DENND1A: variants seen among roughly 807,000 people sequenced by gnomAD.
DENND1A encodes DENN domain-containing protein 1A.
Under a neutral mutation model 113.7 loss-of-function variants are expected in DENND1A, and 51 were observed. The observed-to-expected ratio is 0.45, with a 90% CI of 0.36 to 0.57. The LOEUF is 0.57. Ranked by LOEUF, DENND1A falls within the 20% of genes least tolerant of loss-of-function variation. DENND1A has a pLI of 0.00. For synonymous variants in DENND1A, 565 were observed against 570.8 expected (o/e 0.99, Z 0.14); for missense variants, 1,258 against 1,395.9 (o/e 0.90, Z 1.57).
At chr9:123,695,544 C>CTA (rs2065459839) in intron 5 of DENND1A, among the ~76,000 whole-genome samples, 1 of 152,112 alleles carries the variant, frequency 6.6e-6, no homozygotes, top group African/African-American at 2.4e-5. Context: ...ATACAGCATT[C>CTA]TATAGCTCAT....
intron 9 of DENND1A, among the ~76,000 whole-genome samples, chr9:123,642,167 T>C (rs766732491): frequency 2.6e-4 from 40 of 152,304 alleles, no homozygotes; most frequent in African/African-American, 9.4e-4. Context: ...GAGTTTAACA[T>C]GAATAAGAGA....
At chr9:123,794,225 G>C (rs2132085371) in intron 2 of DENND1A, among the ~76,000 whole-genome samples, 1 of 152,294 alleles carries the variant, frequency 6.6e-6, no homozygotes, top group East Asian at 1.9e-4. Flanking sequence ...GAGACAAAGG[G>C]GCAGCCTGTT....
chr9:123,895,278 G>T (rs913034574), intron 1 of DENND1A, among the ~76,000 whole-genome samples: 15 of 151,930 alleles, frequency 9.9e-5, no homozygotes, highest in African/African-American at 3.6e-4. Context: ...ATAAATAATG[G>T]TTTTTTTCCA....
intron 3 of DENND1A, among the ~76,000 whole-genome samples, chr9:123,771,990 G>C (rs1328733339): frequency 6.6e-6 from 1 of 152,102 alleles, no homozygotes; most frequent in African/African-American, 2.4e-5. Flanking sequence ...AAACAAGATG[G>C]TGGTGTGCTG....
At chr9:123,433,021 GGGTTGGGTAGGA>G (rs2046251027) in intron 19 of DENND1A, among the ~76,000 whole-genome samples, 1 of 152,240 alleles carries the variant, frequency 6.6e-6, no homozygotes, top group Non-Finnish European at 1.5e-5. Context: ...TGGGAAGACA[GGGTTGGGTAGGA>G]GGCAGTGTCA....
intron 2 of DENND1A, among the ~76,000 whole-genome samples, chr9:123,814,376 C>T (rs1426027373): frequency 1.3e-5 from 2 of 152,080 alleles, no homozygotes; most frequent in African/African-American, 4.8e-5. Flanking sequence ...CATTTCTTTG[C>T]AAATGTTATA....
intron 1 of DENND1A, among the ~76,000 whole-genome samples, chr9:123,923,225 T>C (rs1409008677): frequency 1.3e-5 from 2 of 152,242 alleles, no homozygotes; most frequent in African/African-American, 4.8e-5. Flanking sequence ...TGCTGTACAA[T>C]GCCCTCTAAG....
rs1402833248 is a variant in DENND1A, at chr9:123,589,986, A to G, written c.766-6716T>C. Among the ~76,000 whole-genome samples the G allele has an allele frequency of 1.3e-5, 2 of 152,240 alleles. 1 individual carries two copies. Among genetic ancestry groups the G allele is most frequent in the South Asian group, 4.1e-4 (2 of 4,832 alleles). ...GGTTTTCATCTGTAGAATGGAGATC[A>G]TAACACCACCTATCTCACAGAGTTG... On this transcript the variant is annotated intron_variant, in intron 11 of 23. Coordinates refer to ENST00000394215, the MANE Select transcript of DENND1A (RefSeq NM_001352964.2).
intron 19 of DENND1A, among the ~76,000 whole-genome samples, chr9:123,436,000 G>A (rs905662967): frequency 6.6e-6 from 1 of 152,214 alleles, no homozygotes; most frequent in Non-Finnish European, 1.5e-5. Flanking sequence ...TTCCACAGGG[G>A]TCCTCGGGAG....
intron 5 of DENND1A, among the ~76,000 whole-genome samples, chr9:123,705,068 T>A (rs1463411792): frequency 3.0e-4 from 44 of 147,194 alleles, no homozygotes; most frequent in South Asian, 1.1e-3. Context: ...AAGATGAATT[T>A]AAAAAAAAAA....
chr9:123,448,098 C>T (rs1174255194), intron 18 of DENND1A, among the ~76,000 whole-genome samples: 2 of 152,152 alleles, frequency 1.3e-5, no homozygotes, highest in East Asian at 3.8e-4. Context: ...CCATTTGTGT[C>T]ACCTGAAATG....
chr9:123,648,166 T>A (rs1436640714), intron 9 of DENND1A, among the ~76,000 whole-genome samples: 1 of 152,190 alleles, frequency 6.6e-6, no homozygotes, highest in Non-Finnish European at 1.5e-5. Context: ...TGCAAAGCCA[T>A]GATCCTGGGC....
intron 13 of DENND1A, among the ~76,000 whole-genome samples, chr9:123,543,361 G>A (rs536558052): frequency 3.3e-5 from 5 of 152,334 alleles, no homozygotes; most frequent in East Asian, 3.9e-4. Flanking sequence ...CTTCAGTAGT[G>A]TACATTGTTA....
At position 123,382,633 on chromosome 9, in the gene DENND1A, G is replaced by A. The variant is rs1164662764; in HGVS notation, c.2020-8C>T. 2 of 1,613,746 alleles carry A rather than the reference G, an allele frequency of 1.2e-6. No homozygotes were observed. Among genetic ancestry groups the A allele is most frequent in the Non-Finnish European group, 1.7e-6 (2 of 1,179,866 alleles). Reference sequence around the variant, plus strand: ...CCCGCCCAGATCCAGCCTCTGTTGGGAGGGAAGGAGGGCGGCAGTGACCAC... The same window carrying A: ...CCCGCCCAGATCCAGCCTCTGTTGGAAGGGAAGGAGGGCGGCAGTGACCAC... On this transcript the variant is annotated splice_polypyrimidine_tract_variant and splice_region_variant and intron_variant, in intron 23 of 23. Coordinates refer to ENST00000394215, the MANE Select transcript of DENND1A (RefSeq NM_001352964.2).
At chr9:123,748,164 G>T (rs1217705051) in intron 5 of DENND1A, among the ~76,000 whole-genome samples, 1 of 152,132 alleles carries the variant, frequency 6.6e-6, no homozygotes, top group African/African-American at 2.4e-5. Context: ...TCTCAGGAAA[G>T]AATATTTAAT....
At chr9:123,398,568 G>A (rs1052815384) in intron 21 of DENND1A, among the ~76,000 whole-genome samples, 3 of 150,962 alleles carry the variant, frequency 2.0e-5, no homozygotes, top group East Asian at 3.9e-4. Flanking sequence ...TAGTAGAGAC[G>A]GGGTTTCACT....
intron 10 of DENND1A, among the ~76,000 whole-genome samples, chr9:123,621,850 T>C (rs2060979840): frequency 6.6e-6 from 1 of 152,234 alleles, no homozygotes; most frequent in Non-Finnish European, 1.5e-5. Context: ...ATTAACTGGA[T>C]GTTACTTCAG....
chr9:123,734,024 G>A (rs979125815), intron 5 of DENND1A, among the ~76,000 whole-genome samples: 1 of 152,036 alleles, frequency 6.6e-6, no homozygotes, highest in Non-Finnish European at 1.5e-5. Context: ...AGTACAGAGA[G>A]GCACATAGTT....
chr9:123,796,099 T>C (rs1451846325), intron 2 of DENND1A, among the ~76,000 whole-genome samples: 1 of 152,186 alleles, frequency 6.6e-6, no homozygotes, highest in African/African-American at 2.4e-5. Context: ...AAAAAAATAT[T>C]GTATTTAAAA....
Sources: allele counts gnomAD v4.1 joint callset (sites outside exome capture counted in the v4.1 genomes callset), GRCh38; gene constraint gnomAD v4.1.1; transcripts MANE v1.5; gene names NCBI Gene and HGNC (gene_info 2026-07-23, HGNC 2026-07-21).